CADPS2: variants seen among roughly 807,000 people sequenced by gnomAD.
CADPS2 encodes calcium-dependent secretion activator 2.
CADPS2 carries 93 observed loss-of-function variants against 172.5 expected under a neutral mutation model. The observed-to-expected ratio is 0.54, with a 90% CI of 0.46 to 0.64. The LOEUF (loss-of-function observed/expected upper bound fraction) is 0.64. Among genes scored for constraint, CADPS2 ranks in the 30% least tolerant of loss-of-function variants. CADPS2 has a pLI of 0.00. For missense variants in CADPS2, 1,420 were observed against 1,565.9 expected (o/e 0.91, Z 1.57); for synonymous variants, 546 against 555.2 (o/e 0.98, Z 0.23).
chr7:122,828,696 G>A (rs1805644905), intron 1 of CADPS2, among the ~76,000 whole-genome samples: 1 of 152,076 alleles, frequency 6.6e-6, no homozygotes, highest in African/African-American at 2.4e-5. Flanking sequence ...AAGAACTTTA[G>A]CCAACTTTTA....
At chr7:122,391,972 T>G (rs1441435856) in intron 22 of CADPS2, among the ~76,000 whole-genome samples, 1 of 152,150 alleles carries the variant, frequency 6.6e-6, no homozygotes, top group African/African-American at 2.4e-5. Flanking sequence ...TCTTAGTTTC[T>G]TTATGACTTA....
chr7:122,634,825 C>A (rs1260774904), intron 3 of CADPS2, among the ~76,000 whole-genome samples: 2 of 152,116 alleles, frequency 1.3e-5, no homozygotes, highest in African/African-American at 4.8e-5. Flanking sequence ...GCTTTAGCGG[C>A]ATCCCAAAGA....
intron 1 of CADPS2, among the ~76,000 whole-genome samples, chr7:122,821,917 C>A (rs1803419933): frequency 6.6e-6 from 1 of 152,082 alleles, no homozygotes; most frequent in Non-Finnish European, 1.5e-5. Flanking sequence ...ATAGATGCTC[C>A]TTTTTATTAG....
intron 2 of CADPS2, among the ~76,000 whole-genome samples, chr7:122,692,254 T>C (rs1192682193): frequency 2.0e-5 from 3 of 152,106 alleles, no homozygotes; most frequent in Non-Finnish European, 4.4e-5. Flanking sequence ...CCATATAAAA[T>C]GTGTTCCACC....
chr7:122,708,735 T>C (rs1410274346), intron 2 of CADPS2, among the ~76,000 whole-genome samples: 2 of 151,710 alleles, frequency 1.3e-5, no homozygotes, highest in Non-Finnish European at 2.9e-5. Flanking sequence ...ATGGTCTACA[T>C]AACTTTAACA....
At chr7:122,756,378 G>A (rs1355307071) in intron 1 of CADPS2, among the ~76,000 whole-genome samples, 1 of 152,034 alleles carries the variant, frequency 6.6e-6, no homozygotes, top group Non-Finnish European at 1.5e-5. Context: ...ATATGAGAAG[G>A]TTCAATTCAA....
chr7:122,451,740 T>G (rs879397246), intron 14 of CADPS2, among the ~76,000 whole-genome samples: 16 of 152,156 alleles, frequency 1.1e-4, no homozygotes, highest in Admixed American at 2.0e-4. Context: ...AAACAATGAC[T>G]AGTCCTTGAA....
chr7:122,645,895 T>C (rs1374687753), intron 3 of CADPS2, among the ~76,000 whole-genome samples: 1 of 151,176 alleles, frequency 6.6e-6, no homozygotes, highest in African/African-American at 2.4e-5. Context: ...TCATTTGGTA[T>C]TAACATTTCA....
chr7:122,732,586 T>G (rs1343032692), intron 2 of CADPS2, among the ~76,000 whole-genome samples: 2 of 148,168 alleles, frequency 1.3e-5, no homozygotes, highest in African/African-American at 4.9e-5. Context: ...ATATATATTC[T>G]AGGATTAGAT....
At chr7:122,744,970 C>CTTTTTTTTT (rs111615580) in intron 1 of CADPS2, among the ~76,000 whole-genome samples, 1 of 147,872 alleles carries the variant, frequency 6.8e-6, no homozygotes, top group Non-Finnish European at 1.5e-5. Flanking sequence ...TCTCATTTTT[C>CTTTTTTTTT]TTTTTTTTTT....
At chr7:122,697,033 G>A (rs2085218022) in intron 2 of CADPS2, among the ~76,000 whole-genome samples, 1 of 152,110 alleles carries the variant, frequency 6.6e-6, no homozygotes, top group African/African-American at 2.4e-5. Context: ...AAATTGGGGA[G>A]TGGGGAGAAA....
At chr7:122,683,991 T>C (rs1190297904) in intron 2 of CADPS2, among the ~76,000 whole-genome samples, 1 of 152,190 alleles carries the variant, frequency 6.6e-6, no homozygotes, top group Non-Finnish European at 1.5e-5. Flanking sequence ...GCTGCTAGGT[T>C]CTGACCACCT....
At chr7:122,449,454 C>T (rs1586158084) in intron 15 of CADPS2, among the ~76,000 whole-genome samples, 3 of 151,872 alleles carry the variant, frequency 2.0e-5, no homozygotes, top group Admixed American at 6.6e-5. Flanking sequence ...TAGCTGGGAC[C>T]ACAGGCACAC....
chr7:122,537,202 T>C (rs146375051), intron 8 of CADPS2, among the ~76,000 whole-genome samples: 4 of 151,704 alleles, frequency 2.6e-5, no homozygotes, highest in Admixed American at 2.0e-4. Context: ...GAAGCATGTA[T>C]ACAACTATTT....
intron 29 of CADPS2, among the ~76,000 whole-genome samples, chr7:122,323,876 TATATATATATATATATATA>T (rs2033195920): frequency 0.041 from 734 of 17,774 alleles, 36 homozygotes; most frequent in Admixed American, 0.15. Flanking sequence ...GTATATTTTA[TATATATATATATATATATA>T]TATATATATA....
intron 1 of CADPS2, among the ~76,000 whole-genome samples, chr7:122,833,357 T>A (rs1039717202): frequency 6.6e-6 from 1 of 152,184 alleles, no homozygotes; most frequent in African/African-American, 2.4e-5. Flanking sequence ...TTATTTATTT[T>A]ATTTTATTTT....
intron 2 of CADPS2, among the ~76,000 whole-genome samples, chr7:122,674,584 A>G (rs1178626265): frequency 1.3e-5 from 2 of 152,242 alleles, no homozygotes; most frequent in East Asian, 1.9e-4. Context: ...TATATCTGCC[A>G]AAAGTAAGTC....
At chr7:122,736,687 T>C (rs1022560624) in intron 2 of CADPS2, among the ~76,000 whole-genome samples, 1 of 152,224 alleles carries the variant, frequency 6.6e-6, no homozygotes, top group Non-Finnish European at 1.5e-5. Flanking sequence ...TAGTCAGCTG[T>C]ATCAATCACT....
At chr7:122,494,200 G>A (rs2058547660) in intron 9 of CADPS2, among the ~76,000 whole-genome samples, 1 of 152,158 alleles carries the variant, frequency 6.6e-6, no homozygotes, top group Non-Finnish European at 1.5e-5. Flanking sequence ...ACCAGCTTCT[G>A]CAGGAGTTCC....
Sources: gnomAD v4.1 joint callset for allele counts (sites outside exome capture counted in the v4.1 genomes callset) on GRCh38, gnomAD v4.1.1 for gene constraint, MANE v1.5 for transcripts, NCBI Gene and HGNC (gene_info 2026-07-23, HGNC 2026-07-21) for gene names.